The following PLEKHA1 variants were observed in gnomAD, a reference collection of about 807,000 sequenced individuals.
The protein encoded by PLEKHA1 is pleckstrin homology domain-containing family A member 1.
In PLEKHA1, 34 loss-of-function variants were observed where a neutral mutation model predicts 52.0. The observed-to-expected ratio is 0.65, with a 90% CI of 0.50 to 0.87. The LOEUF is 0.87. Ranked by LOEUF, PLEKHA1 falls within the 40% of genes least tolerant of loss-of-function variation. PLEKHA1 has a pLI of 0.00. For missense variants in PLEKHA1, 497 were observed against 504.2 expected (o/e 0.99, Z 0.14); for synonymous variants, 163 against 170.7 (o/e 0.95, Z 0.35).
intron 8 of PLEKHA1, chr10:122,418,793 A>G (rs974999519): frequency 2.0e-5 from 3 of 152,182 alleles, no homozygotes; most frequent in African/African-American, 7.2e-5. Context: ...TCTGTAGTAT[A>G]AATGTCTATC....
intron 1 of PLEKHA1, among the ~76,000 whole-genome samples, chr10:122,383,655 C>G (rs553729157): frequency 3.0e-4 from 46 of 152,154 alleles, no homozygotes; most frequent in African/African-American, 1.1e-3. Context: ...GTAAATATCT[C>G]TAAATGAAAA....
At chr10:122,386,752 C>T (rs1162555482) in intron 1 of PLEKHA1, 3 of 152,152 alleles carry the variant, frequency 2.0e-5, no homozygotes, top group African/African-American at 4.8e-5. Flanking sequence ...GTTCTCTCTT[C>T]CTGTTTACTA....
intron 1 of PLEKHA1, among the ~76,000 whole-genome samples, chr10:122,383,885 T>G (rs2096651326): frequency 6.6e-6 from 1 of 152,134 alleles, no homozygotes; most frequent in African/African-American, 2.4e-5. Flanking sequence ...AATTCATAGG[T>G]TTCTCCTCTA....
chr10:122,422,491 G>A (rs2097273826), intron 8 of PLEKHA1: 1 of 152,226 alleles, frequency 6.6e-6, no homozygotes, highest in African/African-American at 2.4e-5. Flanking sequence ...GAAGAACAGT[G>A]TCATGTCTGT....
chr10:122,393,090 C>A lies in PLEKHA1; in HGVS notation c.-20-91C>A. The A allele has an allele frequency of 1.0e-6, 1 of 998,304 alleles. No homozygotes were observed. Among genetic ancestry groups the A allele is most frequent in the Non-Finnish European group, 1.4e-6 (1 of 703,710 alleles). 61.8% of individuals were successfully genotyped at this position (998,304 alleles called of 1,614,324 possible). On this transcript the variant is annotated intron_variant, in intron 1 of 11. Transcript: ENST00000368990. This position sits in a 1 kb window ranked among gnomAD's most constrained non-coding sequence, Gnocchi z 4.5. The stretch of plus-strand genomic sequence containing the variant: ...TTTAATTGACCTTACCTAATGTTGG[C>A]AAGTTGCCCCCTCATTGAACAGATT...
At chr10:122,435,259 A>G (rs536668962), downstream of PLEKHA1, 3 of 152,304 alleles carry the variant, frequency 2.0e-5, no homozygotes, top group Admixed American at 6.5e-5. Flanking sequence ...TGTGTATGTT[A>G]TCTATTTTTT....
At chr10:122,389,081 A>G (rs1430205282) in intron 1 of PLEKHA1, among the ~76,000 whole-genome samples, 1 of 152,234 alleles carries the variant, frequency 6.6e-6, no homozygotes, top group African/African-American at 2.4e-5. Context: ...TGAATCATGA[A>G]TGTTCTGAAC....
chr10:122,416,941 CT>C (rs1261791763), intron 7 of PLEKHA1: 1 of 154,318 alleles, frequency 6.5e-6, no homozygotes, highest in African/African-American at 2.4e-5. Flanking sequence ...GCAGGGGTTT[CT>C]TACTGTACAA....
intron 1 of PLEKHA1, among the ~76,000 whole-genome samples, chr10:122,382,114 C>CT (rs985971737): frequency 6.6e-6 from 1 of 152,132 alleles, no homozygotes. Flanking sequence ...GTAATCGTTT[C>CT]TTTTTTTAGA....
In PLEKHA1 at chr10:122,374,793, G is replaced by C. The variant is rs974578195; in HGVS notation, c.-34G>C. The stretch of plus-strand genomic sequence containing the variant: ...GGGGCCGCGGCGGCGCGGGTGCTCC[G>C]GGCCGAGGCCGCGGTAAAGTTTAGC... On this transcript the variant is annotated 5_prime_UTR_variant, in exon 1 of 12. Transcript: ENST00000368990. 1 of 151,768 alleles carries C rather than the reference G, an allele frequency of 6.6e-6. No individual in the cohort carries two copies. The highest frequency in any genetic ancestry group is 2.4e-5 in the African/African-American group (1 of 41,332). The allele number at this position is 151,768 out of a possible 1,614,324, so 9.4% of individuals were successfully genotyped here. A position where few individuals can be genotyped will look rare whatever the true frequency, so the allele number is the denominator to read the frequency against.
chr10:122,380,228 C>T (rs1023273140), intron 1 of PLEKHA1, among the ~76,000 whole-genome samples: 11 of 152,148 alleles, frequency 7.2e-5, no homozygotes, highest in South Asian at 4.1e-4. Context: ...CTTCATCCGT[C>T]GTTCAACAAA....
At chr10:122,418,963 T>A (rs1400063230) in intron 8 of PLEKHA1, 1 of 152,238 alleles carries the variant, frequency 6.6e-6, no homozygotes, top group Non-Finnish European at 1.5e-5. Context: ...TGTTGAGTGC[T>A]GGAAATGTGG....
the PLEKHA1 span, chr10:122,439,908 A>G: frequency 6.6e-6 from 1 of 152,120 alleles, no homozygotes; most frequent in Non-Finnish European, 1.5e-5. Flanking sequence ...GTCAGTTTTG[A>G]TCAATTATAT....
intron 2 of PLEKHA1, among the ~76,000 whole-genome samples, chr10:122,394,916 G>C (rs1454698313): frequency 1.3e-5 from 2 of 152,128 alleles, no homozygotes; most frequent in Non-Finnish European, 2.9e-5. Flanking sequence ...CCATTTAGCA[G>C]AGCTAAAAGG....
At chr10:122,439,879 GC>G in the PLEKHA1 span, 3 of 152,268 alleles carry the variant, frequency 2.0e-5, no homozygotes, top group Non-Finnish European at 4.4e-5. Context: ...ATATGCTTAG[GC>G]TTTCTATCTT....
At position 122,398,719 on chromosome 10, in the gene PLEKHA1, T is replaced by G. The variant is rs190292533; in HGVS notation, c.198+745T>G. 4.6e-5 allele frequency among the ~76,000 whole-genome samples: 7 copies of G among 152,142 alleles called. No individual in the cohort carries two copies. The East Asian group carries it at 1.2e-3, about 25-fold the overall frequency. Reference sequence around the variant, plus strand: ...TTATTAAATAATATGGGTACTGTTATGCATATACTGAGATCTGTTGGCAAA... The same window carrying G: ...TTATTAAATAATATGGGTACTGTTAGGCATATACTGAGATCTGTTGGCAAA... On this transcript the variant is annotated intron_variant, in intron 3 of 11. Coordinates refer to ENST00000368990, the MANE Select transcript of PLEKHA1 (RefSeq NM_001001974.4).
chr10:122,421,348 T>C (rs2097257472), intron 8 of PLEKHA1: 2 of 152,216 alleles, frequency 1.3e-5, no homozygotes, highest in South Asian at 4.2e-4. Context: ...AGAGTGAAGA[T>C]TATGAAAGTC....
intron 1 of PLEKHA1, chr10:122,386,479 A>G (rs191246949): frequency 1.3e-5 from 2 of 152,162 alleles, no homozygotes; most frequent in Admixed American, 1.3e-4. Flanking sequence ...GAGCAATTTT[A>G]AAGTTTGATT....
chr10:122,389,474 C>G (rs548685003), intron 1 of PLEKHA1, among the ~76,000 whole-genome samples: 2 of 152,120 alleles, frequency 1.3e-5, no homozygotes, highest in African/African-American at 2.4e-5. Context: ...CCAAGGCAAG[C>G]GGATCACCTG....
Sources: gnomAD v4.1 joint callset for allele counts (sites outside exome capture counted in the v4.1 genomes callset) on GRCh38, gnomAD v4.1.1 for gene constraint, Gnocchi (gnomAD v3.1) non-coding constraint, MANE v1.5 for transcripts, NCBI Gene and HGNC (gene_info 2026-07-23, HGNC 2026-07-21) for gene names.